The following KNTC1 variants were observed in gnomAD, a reference collection of about 807,000 sequenced individuals.
The protein encoded by KNTC1 is kinetochore associated 1, also known as kinetochore-associated protein 1.
In KNTC1, 253 loss-of-function variants were observed where a neutral mutation model predicts 314.4. The ratio of observed to expected loss-of-function variants is 0.80; its 90% CI spans 0.73 to 0.89. The LOEUF is 0.89. KNTC1 is among the 40% of genes least tolerant of loss of function. KNTC1 has a pLI of 0.00. For synonymous variants in KNTC1, 901 were observed against 901.4 expected (o/e 1.00, Z 0.01); for missense variants, 2,475 against 2,572.9 (o/e 0.96, Z 0.82).
At position 122,618,483 on chromosome 12, in the gene KNTC1, C is replaced by G. The variant is rs1186912083; in HGVS notation, c.6087C>G (p.Ala2029=). The change falls in exon 59 of 64, where the codon GCC becomes GCG. Residue 2029 remains alanine, a splice_region_variant and synonymous_variant. Coordinates refer to ENST00000333479, the MANE Select transcript of KNTC1 (RefSeq NM_014708.6). ...GTTGTTTTTTTGTTTTGTTTTCAGC[C>G]TCTTGTCCTTTAAGTCCTGATCAGC... ...QRVIQIPLLS[A]SCPLSPDQLS... is the part of the protein sequence containing the mutation. 6 of 1,611,012 alleles carry G rather than the reference C, an allele frequency of 3.7e-6. No homozygotes were observed. The highest frequency in any genetic ancestry group is 5.1e-6 in the Non-Finnish European group (6 of 1,178,954).
chr12:122,539,196 T>A (rs1962088494), intron 4 of KNTC1, among the ~76,000 whole-genome samples: 1 of 152,194 alleles, frequency 6.6e-6, no homozygotes, highest in East Asian at 1.9e-4. Context: ...TTTCTGCTGT[T>A]TGATTCCAGT....
chr12:122,561,182 G>A (rs1400542182), intron 18 of KNTC1, among the ~76,000 whole-genome samples: 2 of 151,992 alleles, frequency 1.3e-5, no homozygotes, highest in East Asian at 1.9e-4. Context: ...AGGCCTGGTG[G>A]CGCATGCTTG....
At chr12:122,606,288 C>T (rs1022231141) in intron 51 of KNTC1, among the ~76,000 whole-genome samples, 2 of 138,340 alleles carry the variant, frequency 1.4e-5, no homozygotes, top group East Asian at 2.1e-4. Context: ...AGTGCAGTGG[C>T]GTGATCTCAG....
intron 20 of KNTC1, among the ~76,000 whole-genome samples, chr12:122,563,114 G>A (rs1185447187): frequency 6.6e-6 from 1 of 152,048 alleles, no homozygotes; most frequent in African/African-American, 2.4e-5. Context: ...TATGAGGGGT[G>A]TTGAGTGATA....
chr12:122,542,124 C>T lies in KNTC1; in HGVS notation c.520C>T (p.Gln174Ter). Residue 174 changes from glutamine to a stop codon, truncating the protein, a stop_gained, in exon 6 of 64, where the codon CAA (glutamine) becomes TAA (stop). Coordinates refer to ENST00000333479, the MANE Select transcript of KNTC1 (RefSeq NM_014708.6). LOFTEE classifies it high-confidence loss of function. ...ITNLQLLKIQ[Q>*]AIENVDFSTA... The stretch of plus-strand genomic sequence containing the variant: ...AAACCTTCAGCTTTTAAAAATTCAA[C>T]AAGGTAAGTAATACATTATATTTTT... 2 of 1,477,712 alleles carry T rather than the reference C, an allele frequency of 1.4e-6. No homozygotes were observed. The highest frequency in any genetic ancestry group is 1.2e-5 in the South Asian group (1 of 82,508). 91.5% of individuals were successfully genotyped at this position (1,477,712 alleles called of 1,614,324 possible). A position where few individuals can be genotyped will look rare whatever the true frequency, so the allele number is the denominator to read the frequency against.
intron 6 of KNTC1, 38 bp downstream of exon 6, chr12:122,542,165 C>A: frequency 1.5e-6 from 2 of 1,293,812 alleles, no homozygotes; most frequent in Non-Finnish European, 2.1e-6. Flanking sequence ...TGATTTGCAG[C>A]AATATTTACT....
At chr12:122,614,478 G>A (rs934895238) in intron 55 of KNTC1, among the ~76,000 whole-genome samples, 1 of 152,108 alleles carries the variant, frequency 6.6e-6, no homozygotes, top group African/African-American at 2.4e-5. Flanking sequence ...AAAGAAAGGG[G>A]GAGACATCCG....
At position 122,544,140 on chromosome 12, in the gene KNTC1, G is replaced by A; in HGVS notation, c.559-19G>A. The A allele has an allele frequency of 1.9e-6, 2 of 1,045,532 alleles. No individual in the cohort carries two copies. The highest frequency in any genetic ancestry group is 2.9e-6 in the Non-Finnish European group (2 of 694,974). The allele number at this position is 1,045,532 out of a possible 1,614,324, so 64.8% of individuals were successfully genotyped here. On this transcript the variant is annotated intron_variant, in intron 7 of 63. Transcript: ENST00000333479. The stretch of plus-strand genomic sequence containing the variant: ...AAATATGTATTATATATATGACGTT[G>A]TTGTTTTTAATTTTGCAGTTACAAG...
chr12:122,584,226 G>C, intron 34 of KNTC1, 52 bp from the exon 35 acceptor site: 1 of 1,312,162 alleles, frequency 7.6e-7, no homozygotes, highest in Non-Finnish European at 1.1e-6. Flanking sequence ...AAGGCCATGC[G>C]TTCACTTTCA....
At chr12:122,583,049 T>G in intron 34 of KNTC1, 64 bp downstream of exon 34, 1 of 1,450,504 alleles carries the variant, frequency 6.9e-7, no homozygotes, top group Non-Finnish European at 9.4e-7. Flanking sequence ...CGGTAACTCA[T>G]ACCTGTAATC....
intron 20 of KNTC1, among the ~76,000 whole-genome samples, chr12:122,567,321 C>T (rs560910935): frequency 4.4e-4 from 67 of 151,784 alleles, no homozygotes; most frequent in Non-Finnish European, 8.2e-4. Flanking sequence ...CCACCCACCT[C>T]GGCCTCCCAA....
chr12:122,531,266 A>G (rs1961292137), intron 2 of KNTC1, among the ~76,000 whole-genome samples: 2 of 151,892 alleles, frequency 1.3e-5, no homozygotes, highest in Admixed American at 6.6e-5. Context: ...CTGTGGTGCT[A>G]TCTCGGCTCG....
rs1593703672 is a variant in KNTC1, at chr12:122,624,469, T to A, written c.6516-129T>A. The stretch of plus-strand genomic sequence containing the variant: ...TTTTTGTAGAGACAGGGCTTTGCCA[T>A]GTTGCCCAGGCTAGTCTCAAACTCC... On this transcript the variant is annotated intron_variant, in intron 62 of 63. Transcript: ENST00000333479. 2.1e-5 allele frequency: 12 copies of A among 575,150 alleles called. No individual in the cohort carries two copies. In the East Asian group the frequency reaches 3.4e-4, roughly 16 times the overall value. 35.6% of individuals were successfully genotyped at this position (575,150 alleles called of 1,614,324 possible). A position where few individuals can be genotyped will look rare whatever the true frequency, so the allele number is the denominator to read the frequency against.
Position 122,622,378 on chromosome 12 carries a change from G to C in KNTC1, c.6370-84G>C, listed in dbSNP as rs1419584489. ...AGAAATGTTTTGATATTGAATAAAGGCTTGATACCTGTCATTCTATAGATT... is the reference window on the plus strand; with the variant it reads ...AGAAATGTTTTGATATTGAATAAAGCCTTGATACCTGTCATTCTATAGATT... On this transcript the variant is annotated intron_variant, in intron 61 of 63. Coordinates refer to ENST00000333479, the MANE Select transcript of KNTC1 (RefSeq NM_014708.6). 5.7e-6 allele frequency: 7 copies of C among 1,223,518 alleles called. No homozygotes were observed. The African/African-American group carries it at 7.7e-5, about 13-fold the overall frequency. The allele number at this position is 1,223,518 out of a possible 1,614,324, so 75.8% of individuals were successfully genotyped here.
chr12:122,621,145 T>G (rs1484365486), intron 60 of KNTC1, among the ~76,000 whole-genome samples: 1 of 151,240 alleles, frequency 6.6e-6, no homozygotes, highest in Non-Finnish European at 1.5e-5. Context: ...AGGGGGAGAG[T>G]CAGATTTTAT....
At chr12:122,579,225 C>T (rs965614408) in intron 31 of KNTC1, among the ~76,000 whole-genome samples, 17 of 149,644 alleles carry the variant, frequency 1.1e-4, no homozygotes, top group South Asian at 2.1e-4. Context: ...CCACTACGCC[C>T]GGCTAATTTT....
chr12:122,547,107 T>C (rs943375677), intron 10 of KNTC1, among the ~76,000 whole-genome samples: 2 of 152,152 alleles, frequency 1.3e-5, no homozygotes, highest in Admixed American at 6.5e-5. Context: ...GTGCTGGGAT[T>C]ACAGGTGTGA....
intron 63 of KNTC1, 91 bp downstream of exon 63, chr12:122,624,779 A>C: frequency 1.1e-6 from 1 of 887,828 alleles, no homozygotes; most frequent in Non-Finnish European, 1.9e-6. Context: ...AGTGTTCTGG[A>C]GATAAATGTA....
Position 122,557,412 on chromosome 12 carries a change from T to C in KNTC1, c.1301T>C (p.Ile434Thr), listed in dbSNP as rs766826642. Residue 434 changes from isoleucine to threonine, a missense_variant, in exon 17 of 64, where the codon ATA becomes ACA. Physicochemically the swap from Ile to Thr is moderately conservative, Grantham distance 89. Transcript: ENST00000333479. ...ELVYKVKSNHILEKLALSSVD... is the reference protein window; with the variant it reads ...ELVYKVKSNHTLEKLALSSVD... The stretch of plus-strand genomic sequence containing the variant: ...GTTTACAAGGTCAAGTCAAATCATA[T>C]ATTGGAGAAACTGGCATTGAGTTCT... The C allele has an allele frequency of 1.2e-6, 2 of 1,613,572 alleles. No individual in the cohort carries two copies. Among genetic ancestry groups the C allele is most frequent in the South Asian group, 1.1e-5 (1 of 91,008 alleles).
Sources: gnomAD v4.1 joint callset for allele counts (sites outside exome capture counted in the v4.1 genomes callset) on GRCh38, gnomAD v4.1.1 for gene constraint, MANE v1.5 for transcripts, NCBI Gene and HGNC (gene_info 2026-07-23, HGNC 2026-07-21) for gene names.